The following GLIS3 variants were observed in gnomAD, a reference collection of about 807,000 sequenced individuals.
The protein encoded by GLIS3 is GLIS family zinc finger 3.
GLIS3 carries 53 observed loss-of-function variants against 78.6 expected under a neutral mutation model. The observed-to-expected ratio is 0.67, with a 90% CI of 0.54 to 0.85. GLIS3 has a LOEUF of 0.85. GLIS3 is among the 40% of genes least tolerant of loss of function. The pLI is 0.00. For missense variants in GLIS3, 1,703 were observed against 1,231.1 expected (o/e 1.38, Z -5.74); for synonymous variants, 684 against 509.9 (o/e 1.34, Z -4.60).
chr9:4,349,887 G>T (rs906307869), upstream of GLIS3, among the ~76,000 whole-genome samples: 1 of 152,208 alleles, frequency 6.6e-6, no homozygotes, highest in African/African-American at 2.4e-5. Flanking sequence ...GAAGCCAGTT[G>T]AACTAGAAAT....
chr9:4,172,859 G>A (rs760450917), intron 2 of GLIS3, among the ~76,000 whole-genome samples: 2 of 152,166 alleles, frequency 1.3e-5, no homozygotes, highest in Non-Finnish European at 2.9e-5. Flanking sequence ...TCCAAGGCCA[G>A]GCAGATGGAA....
At chr9:4,265,175 A>G (rs1825878280) in intron 2 of GLIS3, among the ~76,000 whole-genome samples, 1 of 142,580 alleles carries the variant, frequency 7.0e-6, no homozygotes, top group Admixed American at 7.3e-5. Context: ...CCGTCTCAAA[A>G]AAAAAAAAAA....
chr9:4,145,392 T>C (rs1193746805), intron 2 of GLIS3, among the ~76,000 whole-genome samples: 3 of 152,206 alleles, frequency 2.0e-5, no homozygotes, highest in Non-Finnish European at 2.9e-5. Context: ...TTATTTTCTA[T>C]AAGCAAACAT....
intron 4 of GLIS3, among the ~76,000 whole-genome samples, chr9:4,070,124 G>T (rs774826307): frequency 6.6e-6 from 1 of 152,022 alleles, no homozygotes; most frequent in Admixed American, 6.6e-5. Context: ...TTCCATATTG[G>T]ATCTTAATTC....
At position 3,977,619 on chromosome 9, in the gene GLIS3, T is replaced by C. The variant is rs1371652699; in HGVS notation, c.1711-40430A>G. Among the ~76,000 whole-genome samples the C allele has an allele frequency of 6.6e-6, 1 of 152,214 alleles. No homozygotes were observed. The highest frequency in any genetic ancestry group is 1.9e-4 in the East Asian group (1 of 5,204). ...TTCAATAACAAATCTGTCACTCCGA[T>C]TTTAATTAGACGGCTTAAAGCAGCC... On this transcript the variant is annotated intron_variant, in intron 4 of 10. Coordinates refer to ENST00000381971, the MANE Select transcript of GLIS3 (RefSeq NM_001042413.2). This position sits in a 1 kb window ranked among gnomAD's most constrained non-coding sequence, Gnocchi z 4.1.
At chr9:4,177,857 G>A (rs1816947124) in intron 2 of GLIS3, among the ~76,000 whole-genome samples, 1 of 152,178 alleles carries the variant, frequency 6.6e-6, no homozygotes, top group African/African-American at 2.4e-5. Context: ...TATTCACAAT[G>A]CTGAATGTTT....
At chr9:4,175,813 T>C (rs1816768770) in intron 2 of GLIS3, among the ~76,000 whole-genome samples, 2 of 152,202 alleles carry the variant, frequency 1.3e-5, no homozygotes. Flanking sequence ...TTAGGCATAT[T>C]ACATGTCTTT....
chr9:4,211,235 T>C (rs1445762149), intron 2 of GLIS3, among the ~76,000 whole-genome samples: 1 of 152,350 alleles, frequency 6.6e-6, no homozygotes, highest in Non-Finnish European at 1.5e-5. Context: ...TGCATTTCCA[T>C]GGACTCCATT....
At chr9:4,295,591 T>G (rs1013545392) in intron 1 of GLIS3, among the ~76,000 whole-genome samples, 8 of 152,176 alleles carry the variant, frequency 5.3e-5, no homozygotes, top group Non-Finnish European at 5.9e-5. Context: ...ATATATCTGT[T>G]AGAAACCAGG....
chr9:4,015,568 C>T (rs1018585463), intron 4 of GLIS3, among the ~76,000 whole-genome samples: 1 of 152,114 alleles, frequency 6.6e-6, no homozygotes. Context: ...TCTATCTTGT[C>T]TACAAAAGAA....
intron 2 of GLIS3, among the ~76,000 whole-genome samples, chr9:4,280,856 C>G (rs974315253): frequency 1.3e-5 from 2 of 151,994 alleles, no homozygotes; most frequent in Non-Finnish European, 2.9e-5. Flanking sequence ...CCAGAGAGAG[C>G]GGAGTGGCCA....
intron 6 of GLIS3, among the ~76,000 whole-genome samples, chr9:3,928,447 A>G (rs974103449): frequency 1.3e-5 from 2 of 152,242 alleles, no homozygotes; most frequent in African/African-American, 4.8e-5. Context: ...ATATGCTTCA[A>G]TTTAAAGGAA....
At chr9:4,158,693 T>A (rs1006908661) in intron 2 of GLIS3, among the ~76,000 whole-genome samples, 2 of 152,236 alleles carry the variant, frequency 1.3e-5, no homozygotes, top group African/African-American at 4.8e-5. Context: ...TAACCAAGGA[T>A]ACAATGGTAA....
intron 9 of GLIS3, among the ~76,000 whole-genome samples, chr9:3,836,612 AC>A (rs1399331531): frequency 2.6e-5 from 4 of 152,142 alleles, no homozygotes; most frequent in Non-Finnish European, 5.9e-5. Context: ...CTTCTCATAA[AC>A]CAAGTCCAGG....
At chr9:4,311,338 G>A (rs750125652) in intron 2 of GLIS3, among the ~76,000 whole-genome samples, 12 of 152,250 alleles carry the variant, frequency 7.9e-5, no homozygotes, top group Admixed American at 5.9e-4. Flanking sequence ...GAGCTGGAGA[G>A]GTGGAGGTTG....
intron 2 of GLIS3, among the ~76,000 whole-genome samples, chr9:4,257,099 G>A (rs1372185826): frequency 6.6e-6 from 1 of 152,136 alleles, no homozygotes; most frequent in Non-Finnish European, 1.5e-5. Context: ...ATATATGTAT[G>A]TATACCACAA....
chr9:4,342,925 G>T (rs1817855531), intron 2 of GLIS3, among the ~76,000 whole-genome samples: 1 of 152,192 alleles, frequency 6.6e-6, no homozygotes, highest in Non-Finnish European at 1.5e-5. Flanking sequence ...AAATGCTACT[G>T]ATTTTTGTAC....
At chr9:4,376,600 C>T in the GLIS3 span, among the ~76,000 whole-genome samples, 15 of 134,502 alleles carry the variant, frequency 1.1e-4, 4 homozygotes, top group Non-Finnish European at 2.0e-4. Flanking sequence ...TAGTTGGTTC[C>T]GTCCTAATAT....
chr9:4,156,381 G>C (rs1047740343), intron 2 of GLIS3, among the ~76,000 whole-genome samples: 5 of 152,240 alleles, frequency 3.3e-5, no homozygotes, highest in South Asian at 4.1e-4. Flanking sequence ...AATCACACAA[G>C]TTTTTGTCCC....
Sources: gnomAD v4.1 joint callset for allele counts (sites outside exome capture counted in the v4.1 genomes callset) on GRCh38, gnomAD v4.1.1 for gene constraint, Gnocchi (gnomAD v3.1) non-coding constraint, MANE v1.5 for transcripts, NCBI Gene and HGNC (gene_info 2026-07-23, HGNC 2026-07-21) for gene names.